SHLD2: variants seen among roughly 807,000 people sequenced by gnomAD.
SHLD2 encodes the protein shieldin complex subunit 2.
Under a neutral mutation model 73.2 loss-of-function variants are expected in SHLD2, and 30 were observed. The observed-to-expected ratio is 0.41, with a 90% CI of 0.31 to 0.56. SHLD2 has a LOEUF of 0.56. Ranked by LOEUF, SHLD2 falls within the 20% of genes least tolerant of loss-of-function variation. The pLI is 0.28. For synonymous variants in SHLD2, 285 were observed against 370.1 expected (o/e 0.77, Z 2.64); for missense variants, 745 against 1,055.9 (o/e 0.71, Z 4.08).
chr10:87,152,428 G>A lies in SHLD2; in HGVS notation c.1074G>A (p.Leu358=). ...ELPPNEIRIE[L]CSSGILCSQL... The stretch of plus-strand genomic sequence containing the variant: ...CACCAAATGAGATACGTATTGAGTT[G>A]TGTAGCTCAGGAATACTGTGTTCCC... Residue 358 remains leucine, a synonymous_variant, in exon 3 of 10, where the codon TTG becomes TTA. Coordinates refer to ENST00000298786, the MANE Select transcript of SHLD2 (RefSeq NM_001330112.2). The A allele has an allele frequency of 6.2e-7, 1 of 1,602,856 alleles. No homozygotes were observed. Among genetic ancestry groups the A allele is most frequent in the East Asian group, 2.2e-5 (1 of 44,822 alleles).
At chr10:87,127,555 C>G (rs1039256568) in intron 2 of SHLD2, among the ~76,000 whole-genome samples, 2 of 136,960 alleles carry the variant, frequency 1.5e-5, no homozygotes, top group Non-Finnish European at 3.1e-5. Flanking sequence ...TCTGCCACCC[C>G]CCGCCTCCCA....
intron 8 of SHLD2, among the ~76,000 whole-genome samples, chr10:87,182,921 G>A (rs1848400758): frequency 6.6e-6 from 1 of 151,874 alleles, no homozygotes; most frequent in African/African-American, 2.4e-5. Context: ...GCAAGAAAGA[G>A]AGTTCCAGGT....
At chr10:87,125,670 G>A (rs1468273113) in intron 2 of SHLD2, among the ~76,000 whole-genome samples, 4 of 152,176 alleles carry the variant, frequency 2.6e-5, no homozygotes, top group Admixed American at 2.6e-4. Flanking sequence ...CCAAGAGGTG[G>A]AGGTTGCAGT....
rs1415179221 is a variant in SHLD2, at chr10:87,151,757, G to T, written c.403G>T (p.Glu135Ter). 1.9e-6 allele frequency: 3 copies of T among 1,611,956 alleles called. No individual in the cohort carries two copies. The highest frequency in any genetic ancestry group is 2.5e-6 in the Non-Finnish European group (3 of 1,179,846). ...FKSTVPHFTE[E>*]EKYQKLLSEN... is the part of the protein sequence containing the mutation. ...AAGCACAGTTCCGCATTTCACCGAA[G>T]AAGAAAAGTATCAAAAGCTTCTCAG... The change falls in exon 3 of 10, where the codon GAA becomes TAA. Residue 135 changes from glutamate (E) to a stop codon, truncating the protein, a stop_gained. Coordinates refer to ENST00000298786, the MANE Select transcript of SHLD2 (RefSeq NM_001330112.2). LOFTEE classifies it high-confidence loss of function.
At chr10:87,126,736 A>T (rs936886245) in intron 2 of SHLD2, among the ~76,000 whole-genome samples, 2 of 152,142 alleles carry the variant, frequency 1.3e-5, no homozygotes, top group Admixed American at 6.6e-5. Context: ...AGCTGCGTAC[A>T]CTTTATTGTT....
At chr10:87,101,282 C>T (rs558001892) in intron 2 of SHLD2, among the ~76,000 whole-genome samples, 4 of 152,256 alleles carry the variant, frequency 2.6e-5, no homozygotes, top group African/African-American at 9.6e-5. Flanking sequence ...GTATATTTGG[C>T]TTAAATGTTT....
chr10:87,163,325 T>C lies in SHLD2; in HGVS notation c.1633+5170T>C, dbSNP rs542543389. Among the ~76,000 whole-genome samples the C allele has an allele frequency of 2.2e-4, 34 of 152,036 alleles. No individual in the cohort carries two copies. In the South Asian group the frequency reaches 6.4e-3, roughly 29 times the overall value. ...AAGGATAAACCAGAAACTAAAGAGA[T>C]TGGTCACCTACAGGGGGCACATAGG... On this transcript the variant is annotated intron_variant, in intron 4 of 9. Transcript: ENST00000298786.
intron 3 of SHLD2, chr10:87,154,074 T>A (rs1187557806): frequency 6.6e-6 from 1 of 152,210 alleles, no homozygotes; most frequent in Non-Finnish European, 1.5e-5. Context: ...CCCAGGCTGA[T>A]CTCCAACTCC....
chr10:87,095,706 G>T (rs1487538850), intron 1 of SHLD2, among the ~76,000 whole-genome samples: 1 of 152,236 alleles, frequency 6.6e-6, no homozygotes, highest in Admixed American at 6.5e-5. Flanking sequence ...TCCGCAGTGT[G>T]GAGATCGCAT....
intron 2 of SHLD2, among the ~76,000 whole-genome samples, chr10:87,100,363 T>A (rs1270123378): frequency 6.6e-6 from 1 of 152,208 alleles, no homozygotes; most frequent in Non-Finnish European, 1.5e-5. Context: ...CATTGAATTG[T>A]CTTCACACTC....
chr10:87,157,617 C>T (rs1846526697), intron 3 of SHLD2, among the ~76,000 whole-genome samples: 1 of 152,102 alleles, frequency 6.6e-6, no homozygotes, highest in East Asian at 1.9e-4. Context: ...GTTAAGAATG[C>T]CTTATATTCA....
intron 2 of SHLD2, among the ~76,000 whole-genome samples, chr10:87,133,278 T>A (rs1844562291): frequency 1.3e-5 from 2 of 152,198 alleles, no homozygotes. Context: ...AAAGACTAGT[T>A]AGCTTGTGCT....
chr10:87,094,758 G>C (rs747036348), upstream of SHLD2: 3 of 1,539,652 alleles, frequency 1.9e-6, no homozygotes, highest in African/African-American at 2.9e-5. This position sits in a 1 kb window ranked among gnomAD's most constrained non-coding sequence, Gnocchi z 6.6. Context: ...CTTCGCCCAG[G>C]TAGCGGTACA....
At chr10:87,184,099 T>C (rs1329097294) in intron 8 of SHLD2, among the ~76,000 whole-genome samples, 3 of 152,208 alleles carry the variant, frequency 2.0e-5, no homozygotes, top group African/African-American at 7.2e-5. Context: ...CACTCAAATC[T>C]AGTTCTCTTC....
At chr10:87,115,456 G>T (rs528865657) in intron 2 of SHLD2, 3 of 152,302 alleles carry the variant, frequency 2.0e-5, no homozygotes, top group East Asian at 3.9e-4. Flanking sequence ...ACATGTACAG[G>T]TTAGATAGTG....
intron 1 of SHLD2, among the ~76,000 whole-genome samples, chr10:87,096,675 A>T (rs560652826): frequency 6.6e-6 from 1 of 152,326 alleles, no homozygotes; most frequent in Admixed American, 6.5e-5. Context: ...TGGTTTTAAA[A>T]TGACACCCAT....
chr10:87,161,428 G>C (rs1846808275), intron 4 of SHLD2, among the ~76,000 whole-genome samples: 1 of 152,076 alleles, frequency 6.6e-6, no homozygotes, highest in Non-Finnish European at 1.5e-5. Context: ...CTGGGCAACA[G>C]AGCAAGGCCC....
At chr10:87,147,109 T>C (rs930263364) in intron 2 of SHLD2, among the ~76,000 whole-genome samples, 2 of 150,536 alleles carry the variant, frequency 1.3e-5, no homozygotes, top group South Asian at 2.1e-4. Flanking sequence ...TTGTGTTTTA[T>C]GGATCTCACA....
chr10:87,102,324 C>CT (rs200172310), intron 2 of SHLD2, among the ~76,000 whole-genome samples: 5,189 of 151,632 alleles, frequency 0.034, 227 homozygotes, highest in Admixed American at 0.11. Flanking sequence ...GTTTTGTTTT[C>CT]TTTTTTTTTA....
Sources: gnomAD v4.1 joint callset for allele counts (sites outside exome capture counted in the v4.1 genomes callset) on GRCh38, gnomAD v4.1.1 for gene constraint, Gnocchi (gnomAD v3.1) non-coding constraint, MANE v1.5 for transcripts, NCBI Gene and HGNC (gene_info 2026-07-23, HGNC 2026-07-21) for gene names.